ELOVL4: variants seen among roughly 807,000 people sequenced by gnomAD.
ELOVL4 encodes the protein very long chain fatty acid elongase 4.
Under a neutral mutation model 42.1 loss-of-function variants are expected in ELOVL4, and 18 were observed. The ratio of observed to expected loss-of-function variants is 0.43; its 90% CI spans 0.30 to 0.63. ELOVL4 has a LOEUF of 0.63. Among genes scored for constraint, ELOVL4 ranks in the 30% least tolerant of loss-of-function variants. The pLI is 0.15. For missense variants in ELOVL4, 299 were observed against 376.2 expected (o/e 0.79, Z 1.70); for synonymous variants, 117 against 127.0 (o/e 0.92, Z 0.53).
chr6:79,922,252 C>T (rs1774271225), intron 3 of ELOVL4, among the ~76,000 whole-genome samples: 1 of 151,620 alleles, frequency 6.6e-6, no homozygotes, highest in Non-Finnish European at 1.5e-5. Flanking sequence ...CCTGTCTGCC[C>T]ACCCTCTCCC....
chr6:79,941,658 T>A (rs910965533), intron 1 of ELOVL4, among the ~76,000 whole-genome samples: 2 of 152,044 alleles, frequency 1.3e-5, no homozygotes, highest in African/African-American at 4.8e-5. Context: ...CACCAGGAGT[T>A]TAAGAGCAGC....
chr6:79,928,935 G>A (rs1774396858), intron 1 of ELOVL4, among the ~76,000 whole-genome samples: 2 of 151,760 alleles, frequency 1.3e-5, no homozygotes, highest in Admixed American at 1.3e-4. Context: ...GTGGTGCACT[G>A]TTGTTCTCTC....
At chr6:79,930,726 T>C (rs1036757584) in intron 1 of ELOVL4, among the ~76,000 whole-genome samples, 1 of 152,232 alleles carries the variant, frequency 6.6e-6, no homozygotes, top group Non-Finnish European at 1.5e-5. Context: ...ATGTATTTTA[T>C]GTAAACTTTA....
intron 1 of ELOVL4, among the ~76,000 whole-genome samples, chr6:79,932,608 A>G (rs552721655): frequency 1.3e-5 from 2 of 152,176 alleles, no homozygotes; most frequent in South Asian, 2.1e-4. Flanking sequence ...TCTTCCACCA[A>G]TAAGTTTTTA....
chr6:79,931,258 AT>A (rs1296296462), intron 1 of ELOVL4, among the ~76,000 whole-genome samples: 2 of 152,150 alleles, frequency 1.3e-5, no homozygotes, highest in Non-Finnish European at 2.9e-5. Context: ...CCTATTAACC[AT>A]TTTAAGCCTT....
intron 5 of ELOVL4, among the ~76,000 whole-genome samples, chr6:79,918,143 T>C (rs1297621150): frequency 6.6e-6 from 1 of 152,154 alleles, no homozygotes; most frequent in Non-Finnish European, 1.5e-5. Context: ...TATTAATTAT[T>C]GATTAAAATA....
rs9448857 is a variant in ELOVL4, at chr6:79,919,265, A to T, written c.669+155T>A. Among the ~76,000 whole-genome samples the T allele has an allele frequency of 0.15, 23,505 of 152,148 alleles. 2,077 individuals are homozygous for T. The highest frequency in any genetic ancestry group is 0.36 in the South Asian group (1,715 of 4,818). On this transcript the variant is annotated intron_variant, in intron 5 of 5. Transcript: ENST00000369816. Reference sequence around the variant, plus strand: ...GGACCAATAAGTCTATGAATAGGTCATCTAGAGTCAAGTGGGCATAACTGC... The same window carrying T: ...GGACCAATAAGTCTATGAATAGGTCTTCTAGAGTCAAGTGGGCATAACTGC...
At chr6:79,947,112 C>A in intron 1 of ELOVL4, 68 bp downstream of exon 1, 7 of 1,327,670 alleles carry the variant, frequency 5.3e-6, no homozygotes. Flanking sequence ...GGCCCGGGAG[C>A]TGCGAGACCA....
At chr6:79,927,203 T>C (rs73750826) in intron 1 of ELOVL4, among the ~76,000 whole-genome samples, 6 of 152,190 alleles carry the variant, frequency 3.9e-5, no homozygotes, top group African/African-American at 1.2e-4. Flanking sequence ...AGCATGATAA[T>C]GAAATATGGA....
chr6:79,929,354 C>A lies in ELOVL4; in HGVS notation c.101-2973G>T, dbSNP rs374253984. On this transcript the variant is annotated intron_variant, in intron 1 of 5. Transcript: ENST00000369816. ...CTCCTGAGCTCAAGCCATCCTCCCA[C>A]CTCAGACTCCCAAGTAGCTGGTCCT... is the stretch of plus-strand genomic sequence containing the variant. Among the ~76,000 whole-genome samples, 19 of 152,308 alleles carry A rather than the reference C, an allele frequency of 1.2e-4. No individual in the cohort carries two copies. The East Asian group carries it at 3.5e-3, about 28-fold the overall frequency.
At chr6:79,928,142 A>AT (rs1774375203) in intron 1 of ELOVL4, among the ~76,000 whole-genome samples, 1 of 152,138 alleles carries the variant, frequency 6.6e-6, no homozygotes, top group Non-Finnish European at 1.5e-5. Flanking sequence ...CAAACCCCCT[A>AT]TATTAGAGAA....
chr6:79,916,480 C>A lies in ELOVL4; in HGVS notation c.*128G>T. The A allele has an allele frequency of 9.9e-7, 1 of 1,014,336 alleles. No homozygotes were observed. Among genetic ancestry groups the A allele is most frequent in the Non-Finnish European group, 1.5e-6 (1 of 654,582 alleles). The allele number at this position is 1,014,336 out of a possible 1,614,324, so 62.8% of individuals were successfully genotyped here. A position where few individuals can be genotyped will look rare whatever the true frequency, so the allele number is the denominator to read the frequency against. The stretch of plus-strand genomic sequence containing the variant: ...AACACTTTACTCAGTCTAAGAGTTA[C>A]TAGGACATAGAGCACATTTGTCTTT... On this transcript the variant is annotated 3_prime_UTR_variant, in exon 6 of 6. Coordinates refer to ENST00000369816, the MANE Select transcript of ELOVL4 (RefSeq NM_022726.4).
chr6:79,936,901 A>G (rs1479670298), intron 1 of ELOVL4, among the ~76,000 whole-genome samples: 3 of 152,218 alleles, frequency 2.0e-5, no homozygotes, highest in East Asian at 3.8e-4. Flanking sequence ...AGTTTCCTGT[A>G]TAGTCAGCAT....
chr6:79,932,986 T>C (rs1340646236), intron 1 of ELOVL4, among the ~76,000 whole-genome samples: 3 of 152,148 alleles, frequency 2.0e-5, no homozygotes, highest in Non-Finnish European at 4.4e-5. Context: ...GTTCCCTTAG[T>C]ACAATGACAA....
chr6:79,943,355 T>A (rs1481944745), intron 1 of ELOVL4, among the ~76,000 whole-genome samples: 1 of 152,118 alleles, frequency 6.6e-6, no homozygotes, highest in Non-Finnish European at 1.5e-5. Flanking sequence ...ACCTTCCCAG[T>A]TTCCATGGTT....
rs1774727897 is a variant in ELOVL4 at position 79,945,625 on chromosome 6, G to A, written c.100+1555C>T. ...AACAGTGTCTGACTCCTAGGTGTGC[G>A]AAGTGCAATTACCTGCTAAAGAACT... On this transcript the variant is annotated intron_variant, in intron 1 of 5. Transcript: ENST00000369816. Among the ~76,000 whole-genome samples, 3 of 152,086 alleles carry A rather than the reference G, an allele frequency of 2.0e-5. No individual in the cohort carries two copies. In the South Asian group the frequency reaches 6.2e-4, roughly 32 times the overall value.
intron 1 of ELOVL4, among the ~76,000 whole-genome samples, chr6:79,940,311 G>A (rs1774625033): frequency 6.6e-6 from 1 of 151,868 alleles, no homozygotes; most frequent in Admixed American, 6.6e-5. Flanking sequence ...ATCATTCTAA[G>A]GTATTTGTTT....
chr6:79,928,132 C>T (rs1021937977), intron 1 of ELOVL4, among the ~76,000 whole-genome samples: 7 of 151,974 alleles, frequency 4.6e-5, no homozygotes, highest in African/African-American at 1.7e-4. Flanking sequence ...AAGATTTAGA[C>T]AAACCCCCTA....
rs775007769 is a variant in ELOVL4, at chr6:79,916,591, T to C, written c.*17A>G. 6.2e-7 allele frequency: 1 copy of C among 1,613,028 alleles called. No homozygotes were observed. The highest frequency in any genetic ancestry group is 1.3e-5 in the African/African-American group (1 of 74,890). On this transcript the variant is annotated 3_prime_UTR_variant, in exon 6 of 6. Transcript: ENST00000369816. ...AGTTTTTCCTCACTGTCAACAACAG[T>C]TAAGGCCCAGTTCAATTTAATCTCC...
Sources: gnomAD v4.1 joint callset for allele counts (sites outside exome capture counted in the v4.1 genomes callset) on GRCh38, gnomAD v4.1.1 for gene constraint, MANE v1.5 for transcripts, NCBI Gene and HGNC (gene_info 2026-07-23, HGNC 2026-07-21) for gene names.